CDC73: variants seen among roughly 807,000 people sequenced by gnomAD.
CDC73 encodes the protein cell division cycle 73.
CDC73 carries 21 observed loss-of-function variants against 83.7 expected under a neutral mutation model. The observed-to-expected ratio is 0.25, with a 90% CI of 0.18 to 0.36. CDC73 has a LOEUF of 0.36. CDC73 is among the 10% of genes least tolerant of loss of function. The pLI is 1.00. For missense variants in CDC73, 342 were observed against 653.3 expected (o/e 0.52, Z 5.19); for synonymous variants, 224 against 212.9 (o/e 1.05, Z -0.45).
Position 193,209,252 on chromosome 1 carries a change from G to A in CDC73, c.1031-2813G>A, listed in dbSNP as rs187815973. On this transcript the variant is annotated intron_variant, in intron 11 of 16. Coordinates refer to ENST00000367435, the MANE Select transcript of CDC73 (RefSeq NM_024529.5). ...TTCTCAGCTTGTAAATTGGCAATTA[G>A]CACACTTGCTTGAGTAGCGGTAGTA... 3.3e-5 allele frequency among the ~76,000 whole-genome samples: 5 copies of A among 152,186 alleles called. No individual in the cohort carries two copies. In the East Asian group the frequency reaches 9.6e-4, roughly 29 times the overall value.
At chr1:193,140,800 G>T (rs190687115) in intron 6 of CDC73, among the ~76,000 whole-genome samples, 7 of 152,230 alleles carry the variant, frequency 4.6e-5, no homozygotes, top group Non-Finnish European at 8.8e-5. Flanking sequence ...TTTATTTCTG[G>T]AATTTTCCAT....
chr1:193,207,000 C>G (rs183849480), intron 11 of CDC73, among the ~76,000 whole-genome samples: 1 of 152,088 alleles, frequency 6.6e-6, no homozygotes, highest in African/African-American at 2.4e-5. Flanking sequence ...TTGAAAGTAT[C>G]GGGGGAACCA....
intron 11 of CDC73, among the ~76,000 whole-genome samples, chr1:193,211,685 AT>A (rs1488202343): frequency 6.6e-6 from 1 of 152,208 alleles, no homozygotes; most frequent in Non-Finnish European, 1.5e-5. Context: ...GACAAAGAGC[AT>A]TCACATCCTG....
rs1675832948 is a variant in CDC73, at chr1:193,138,133, G to A, written c.472G>A (p.Glu158Lys). 6.2e-7 allele frequency: 1 copy of A among 1,613,626 alleles called. No individual in the cohort carries two copies. ...LDKERLAARL[E>K]GHKEGIVQTE... is the part of the protein sequence containing the mutation. ...TAAAGAGAGATTGGCTGCCCGTTTG[G>A]AGGGTCACAAAGAAGGGATTGTACA... Residue 158 changes from glutamate to lysine, a missense_variant, in exon 6 of 17, where the codon GAG (glutamate) becomes AAG (lysine). Around this residue, in one of 3 missense-constraint regions of CDC73, gnomAD observed 4 missense variants for 58.2 expected, o/e 0.07. Coordinates refer to ENST00000367435, the MANE Select transcript of CDC73 (RefSeq NM_024529.5).
intron 10 of CDC73, among the ~76,000 whole-genome samples, chr1:193,164,768 G>GAT (rs1676405961): frequency 6.6e-6 from 1 of 152,138 alleles, no homozygotes; most frequent in African/African-American, 2.4e-5. Context: ...TTGCCAGATG[G>GAT]ATATGATGTG....
Position 193,122,419 on chromosome 1 carries a change from C to G in CDC73, c.131+88C>G, listed in dbSNP as rs989615569. The G allele has an allele frequency of 3.3e-6, 5 of 1,538,276 alleles. No homozygotes were observed. In the African/African-American group the frequency reaches 6.8e-5, roughly 21 times the overall value. ...TCTTTCTTAACCCCTCCCCCCGTTT[C>G]CCCTGGGGATGGGATAAAACGGGTG... On this transcript the variant is annotated intron_variant, in intron 1 of 16. Coordinates refer to ENST00000367435, the MANE Select transcript of CDC73 (RefSeq NM_024529.5).
intron 15 of CDC73, among the ~76,000 whole-genome samples, chr1:193,237,835 C>T (rs1677789557): frequency 1.3e-5 from 2 of 152,234 alleles, no homozygotes; most frequent in Middle Eastern, 6.8e-3. Flanking sequence ...TTCCTTCTGT[C>T]GTTCGGCCAG....
chr1:193,214,759 A>T (rs1677335380), intron 13 of CDC73, among the ~76,000 whole-genome samples: 1 of 152,176 alleles, frequency 6.6e-6, no homozygotes, highest in African/African-American at 2.4e-5. Flanking sequence ...CTATTTGGCC[A>T]CTTAGATTGT....
At chr1:193,171,229 T>C (rs1215600671) in intron 10 of CDC73, among the ~76,000 whole-genome samples, 1 of 152,240 alleles carries the variant, frequency 6.6e-6, no homozygotes, top group Non-Finnish European at 1.5e-5. Context: ...TGGGACAAAG[T>C]AGATACCTCT....
At position 193,248,505 on chromosome 1, in the gene CDC73, G is replaced by A. The variant is rs553877330; in HGVS notation, c.1418-1225G>A. Among the ~76,000 whole-genome samples, 61 of 152,160 alleles carry A rather than the reference G, an allele frequency of 4.0e-4. 1 individual carries two copies. In the South Asian group the frequency reaches 6.4e-3, roughly 16 times the overall value. On this transcript the variant is annotated intron_variant, in intron 15 of 16. Coordinates refer to ENST00000367435, the MANE Select transcript of CDC73 (RefSeq NM_024529.5). ...ATTTATTATTTAAGAAATAAGTTTT[G>A]TAAGGCTTTAGCTGCTATAGATAGT...
chr1:193,122,447 C>CG (rs1488414117), intron 1 of CDC73, 116 bp downstream of exon 1: 3 of 1,357,070 alleles, frequency 2.2e-6, no homozygotes, highest in East Asian at 2.3e-5. Flanking sequence ...AACGGGTGTT[C>CG]GGGGAAAAGA....
intron 6 of CDC73, among the ~76,000 whole-genome samples, chr1:193,139,566 T>C (rs1675865594): frequency 6.6e-6 from 1 of 152,150 alleles, no homozygotes; most frequent in African/African-American, 2.4e-5. Flanking sequence ...CTCGTTCTGC[T>C]TTATTACATG....
chr1:193,247,369 C>T (rs1451878045), intron 15 of CDC73, among the ~76,000 whole-genome samples: 1 of 151,884 alleles, frequency 6.6e-6, no homozygotes, highest in Non-Finnish European at 1.5e-5. Context: ...CCCCACTGAC[C>T]AATTAGTCCC....
intron 10 of CDC73, among the ~76,000 whole-genome samples, chr1:193,170,052 G>GT (rs530622842): frequency 8.0e-5 from 12 of 150,580 alleles, no homozygotes; most frequent in African/African-American, 1.9e-4. Flanking sequence ...TGTGGTATTT[G>GT]TTTTTTTTTC....
At chr1:193,234,309 TA>T (rs1677720745) in intron 14 of CDC73, among the ~76,000 whole-genome samples, 1 of 24,342 alleles carries the variant, frequency 4.1e-5, no homozygotes, top group Admixed American at 4.5e-4. Context: ...TAATATAATT[TA>T]AAATATATAT....
intron 10 of CDC73, chr1:193,161,070 A>G (rs1676300109): frequency 5.9e-6 from 1 of 169,282 alleles, no homozygotes; most frequent in South Asian, 2.0e-4. Flanking sequence ...CCCCTCCCCC[A>G]TCCTACCAAA....
chr1:193,224,173 A>G (rs1677520565), intron 13 of CDC73, among the ~76,000 whole-genome samples: 1 of 151,984 alleles, frequency 6.6e-6, no homozygotes, highest in African/African-American at 2.4e-5. Flanking sequence ...GGTCTCTGAT[A>G]ACTACCAGAC....
At chr1:193,151,569 A>G (rs1676111929) in intron 9 of CDC73, among the ~76,000 whole-genome samples, 1 of 152,200 alleles carries the variant, frequency 6.6e-6, no homozygotes, top group Non-Finnish European at 1.5e-5. Context: ...CTTTACAGAA[A>G]GGCATATTGG....
At chr1:193,174,378 T>G (rs1281062815) in intron 10 of CDC73, among the ~76,000 whole-genome samples, 1 of 152,204 alleles carries the variant, frequency 6.6e-6, no homozygotes, top group Non-Finnish European at 1.5e-5. Context: ...ATATATGAAT[T>G]TGAAGGTAGA....
Sources: gnomAD v4.1 joint callset for allele counts (sites outside exome capture counted in the v4.1 genomes callset) on GRCh38, gnomAD v4.1.1 for gene constraint, gnomAD v4.1.1 regional missense constraint, MANE v1.5 for transcripts, NCBI Gene and HGNC (gene_info 2026-07-23, HGNC 2026-07-21) for gene names.